TTC7B: variants seen among roughly 807,000 people sequenced by gnomAD.
TTC7B encodes the protein tetratricopeptide repeat protein 7B.
A neutral mutation model predicts 106.8 loss-of-function variants in TTC7B; 28 were observed. That is an observed-to-expected ratio of 0.26 (90% confidence interval 0.19 to 0.36). The LOEUF (loss-of-function observed/expected upper bound fraction) is 0.36, where lower values mean the gene tolerates loss of function less well. TTC7B is among the 10% of genes least tolerant of loss of function. TTC7B has a pLI of 1.00. For synonymous variants in TTC7B, 405 were observed against 430.6 expected, an observed-to-expected ratio of 0.94 and a Z score of 0.74; for missense variants, 862 against 1,076.4, an observed-to-expected ratio of 0.80 and a Z score of 2.79.
chr14:90,528,238 A>G lies in TTC7B; in HGVS notation c.*13130T>C, dbSNP rs1566753553. ...AGCTCCTCCTTCTGTCCAGCCGGAC[A>G]GAGAGCCTGGAGGAAGCTGGAGTCT... is the stretch of plus-strand genomic sequence containing the variant. On this transcript the variant is annotated 3_prime_UTR_variant, in exon 20 of 20. Transcript: ENST00000328459. The G allele has an allele frequency of 6.6e-6, 1 of 152,248 alleles. No homozygotes were observed. The highest frequency in any genetic ancestry group is 1.5e-5 in the Non-Finnish European group (1 of 68,064). 9.4% of individuals were successfully genotyped at this position (152,248 alleles called of 1,614,324 possible).
At chr14:90,555,793 T>C (rs1378740163) in intron 19 of TTC7B, among the ~76,000 whole-genome samples, 3 of 152,232 alleles carry the variant, frequency 2.0e-5, no homozygotes, top group African/African-American at 7.2e-5. Flanking sequence ...AAGGGAGGCA[T>C]CTGCCTTCTC....
intron 1 of TTC7B, among the ~76,000 whole-genome samples, chr14:90,804,162 C>T (rs187789909): frequency 5.9e-5 from 9 of 151,850 alleles, no homozygotes; most frequent in Non-Finnish European, 8.8e-5. Flanking sequence ...GGTGAAACCC[C>T]GTCTCTACTA....
chr14:90,528,423 C>T lies in TTC7B; in HGVS notation c.*12945G>A, dbSNP rs768709643. On this transcript the variant is annotated 3_prime_UTR_variant, in exon 20 of 20. Transcript: ENST00000328459. ...TGAGGCAGGGTCTTGCTGTGTCTCC[C>T]AGGCTGGGGTGCAGTGGCATAATCA... 6.6e-6 allele frequency: 1 copy of T among 152,528 alleles called. No homozygotes were observed. Among genetic ancestry groups the T allele is most frequent in the South Asian group, 2.1e-4 (1 of 4,844 alleles). 9.4% of individuals were successfully genotyped at this position (152,528 alleles called of 1,614,324 possible). A position where few individuals can be genotyped will look rare whatever the true frequency, so the allele number is the denominator to read the frequency against.
intron 5 of TTC7B, among the ~76,000 whole-genome samples, chr14:90,705,375 G>A (rs979186790): frequency 6.6e-6 from 1 of 152,096 alleles, no homozygotes; most frequent in Admixed American, 6.5e-5. Context: ...AACTGATAAG[G>A]AGGGAAACTG....
chr14:90,768,314 A>G (rs1312917944), intron 3 of TTC7B, among the ~76,000 whole-genome samples: 1 of 152,220 alleles, frequency 6.6e-6, no homozygotes, highest in Non-Finnish European at 1.5e-5. Flanking sequence ...ACTTACAATC[A>G]TGGTGGAAGG....
chr14:90,727,323 T>G (rs939752391), intron 5 of TTC7B, among the ~76,000 whole-genome samples: 2 of 152,038 alleles, frequency 1.3e-5, no homozygotes, highest in African/African-American at 4.8e-5. Context: ...TCCCACACAG[T>G]GGCACAGTGG....
At chr14:90,814,448 G>A (rs2031067062) in intron 1 of TTC7B, among the ~76,000 whole-genome samples, 1 of 152,174 alleles carries the variant, frequency 6.6e-6, no homozygotes, top group Admixed American at 6.5e-5. Flanking sequence ...CTGAGAGCAG[G>A]GTGAGGGCAT....
In TTC7B at chr14:90,558,408, G is replaced by A. The variant is rs143644032; in HGVS notation, c.2311-16819C>T. The stretch of plus-strand genomic sequence containing the variant: ...TGCGCCCACCAAGCCCACCCCGGGC[G>A]CTGCTCTGCAGCAGCTGGAGAGGAA... On this transcript the variant is annotated intron_variant, in intron 19 of 19. Transcript: ENST00000328459. Among the ~76,000 whole-genome samples, 7 of 152,380 alleles carry A rather than the reference G, an allele frequency of 4.6e-5. No homozygotes were observed. The East Asian group carries it at 5.8e-4, about 13-fold the overall frequency.
Position 90,530,805 on chromosome 14 carries a change from C to T in TTC7B, c.*10563G>A, listed in dbSNP as rs1027533637. 1 of 152,250 alleles carries T rather than the reference C, an allele frequency of 6.6e-6. No homozygotes were observed. Among genetic ancestry groups the T allele is most frequent in the Non-Finnish European group, 1.5e-5 (1 of 68,062 alleles). The allele number at this position is 152,250 out of a possible 1,614,324, so 9.4% of individuals were successfully genotyped here. A position where few individuals can be genotyped will look rare whatever the true frequency, so the allele number is the denominator to read the frequency against. On this transcript the variant is annotated 3_prime_UTR_variant, in exon 20 of 20. Transcript: ENST00000328459. ...GCCCCATGAGGCCCGTTTTAGACTT[C>T]TGACCCCCAGAACTACATGTAAGAC...
chr14:90,796,004 G>A (rs1891762398), intron 1 of TTC7B, among the ~76,000 whole-genome samples: 1 of 152,070 alleles, frequency 6.6e-6, no homozygotes, highest in South Asian at 2.1e-4. Context: ...CATCCCTAAG[G>A]CCACAGAGCT....
At chr14:90,644,250 T>C (rs1189512989) in intron 14 of TTC7B, 42 bp from the exon 15 acceptor site, 4 of 1,427,478 alleles carry the variant, frequency 2.8e-6, no homozygotes, top group South Asian at 1.4e-5. Flanking sequence ...CATACACACA[T>C]GCACACGCAC....
In TTC7B at chr14:90,689,683, C is replaced by T. The variant is rs1254908747; in HGVS notation, c.807G>A (p.Leu269=). Residue 269 remains leucine (L), a synonymous_variant, in exon 7 of 20, where the codon TTG becomes TTA. Coordinates refer to ENST00000328459, the MANE Select transcript of TTC7B (RefSeq NM_001010854.2). The part of the protein sequence containing the change: ...MTIARQLAEI[L]LRGMCEQSYW... ...AGCTCTGCTCACACATACCCCGCAA[C>T]AAGATCTCTGCCAGCTGCCTGGCTA... The T allele has an allele frequency of 6.2e-7, 1 of 1,614,108 alleles. No homozygotes were observed. Among genetic ancestry groups the T allele is most frequent in the Non-Finnish European group, 8.5e-7 (1 of 1,180,012 alleles).
chr14:90,563,607 A>C (rs1938636360), intron 19 of TTC7B, among the ~76,000 whole-genome samples: 1 of 152,168 alleles, frequency 6.6e-6, no homozygotes, highest in African/African-American at 2.4e-5. Context: ...CAGTGGGTAC[A>C]ATAAGACTCA....
intron 3 of TTC7B, 117 bp from the exon 4 acceptor site, chr14:90,745,039 G>A: frequency 2.0e-6 from 2 of 998,808 alleles, no homozygotes; most frequent in Non-Finnish European, 3.0e-6. Context: ...TTTGCAAATA[G>A]ACAGTTTACT....
At chr14:90,710,130 G>C (rs1263185002) in intron 5 of TTC7B, among the ~76,000 whole-genome samples, 2 of 151,158 alleles carry the variant, frequency 1.3e-5, no homozygotes, top group African/African-American at 4.9e-5. Flanking sequence ...TGTGATTCAT[G>C]GGAGGACATC....
At chr14:90,627,277 C>T (rs887350975) in intron 15 of TTC7B, among the ~76,000 whole-genome samples, 1 of 152,162 alleles carries the variant, frequency 6.6e-6, no homozygotes, top group Non-Finnish European at 1.5e-5. Context: ...TGAGCCACTG[C>T]ACCTGGCCCA....
Position 90,538,231 on chromosome 14 carries a change from A to AATGGATGGACGGATGG in TTC7B, c.*3121_*3136dup, listed in dbSNP as rs1889463857. On this transcript the variant is annotated 3_prime_UTR_variant, in exon 20 of 20. Transcript: ENST00000328459. The stretch of plus-strand genomic sequence containing the variant: ...TCTAGCGTCTGCGTCCTCATCTATT[A>AATGGATGGACGGATGG]ATGGATGGACGGATGGATGGATGGA... The AATGGATGGACGGATGG allele has an allele frequency of 6.7e-6, 1 of 149,696 alleles. No homozygotes were observed. The highest frequency in any genetic ancestry group is 2.0e-4 in the East Asian group (1 of 5,074). The allele number at this position is 149,696 out of a possible 1,614,324, so 9.3% of individuals were successfully genotyped here.
chr14:90,801,222 C>CAAAAAAA lies in TTC7B; in HGVS notation c.122-14901_122-14895dup, dbSNP rs67620286. 9.9e-5 allele frequency among the ~76,000 whole-genome samples: 7 copies of CAAAAAAA among 70,926 alleles called. 1 individual carries two copies. The highest frequency in any genetic ancestry group is 1.6e-4 in the Non-Finnish European group (6 of 37,950). The allele number at this position is 70,926 out of a possible 152,430, so 46.5% of individuals were successfully genotyped here. A position where few individuals can be genotyped will look rare whatever the true frequency, so the allele number is the denominator to read the frequency against. On this transcript the variant is annotated intron_variant, in intron 1 of 19. Transcript: ENST00000328459. ...CTTGGGAGACAGAGCAAGACCCTAT[C>CAAAAAAA]AAAAAAAAAAAAAAAAAAAAAGATG...
intron 3 of TTC7B, among the ~76,000 whole-genome samples, chr14:90,768,375 T>G (rs1595361020): frequency 6.9e-6 from 1 of 145,980 alleles, no homozygotes; most frequent in Non-Finnish European, 1.5e-5. Context: ...AGAGAGAGAG[T>G]GAAGGAGAAA....
Sources: allele counts gnomAD v4.1 joint callset (sites outside exome capture counted in the v4.1 genomes callset), GRCh38; gene constraint gnomAD v4.1.1; transcripts MANE v1.5; gene names NCBI Gene and HGNC (gene_info 2026-07-23, HGNC 2026-07-21).